The following PCDH15 variants were observed in gnomAD, a reference collection of about 807,000 sequenced individuals.
PCDH15 encodes protocadherin-15.
A neutral mutation model predicts 178.5 loss-of-function variants in PCDH15; 129 were observed. The observed-to-expected ratio is 0.72, with a 90% confidence interval of 0.63 to 0.84. The LOEUF (loss-of-function observed/expected upper bound fraction) is 0.84, where lower values mean the gene tolerates loss of function less well. Ranked by LOEUF, PCDH15 falls within the 40% of genes least tolerant of loss-of-function variation. PCDH15 has a pLI of 0.00. For synonymous variants in PCDH15, 800 were observed against 732.0 expected (o/e 1.09, Z -1.50); for missense variants, 2,230 against 2,099.9 (o/e 1.06, Z -1.21).
chr10:55,229,777 G>C (rs1019240901), intron 1 of PCDH15, among the ~76,000 whole-genome samples: 3 of 152,126 alleles, frequency 2.0e-5, no homozygotes, highest in Non-Finnish European at 4.4e-5. Flanking sequence ...ATTTCCTTTG[G>C]AGTAGTAGAC....
At chr10:55,262,009 G>A (rs1302138691) in intron 1 of PCDH15, among the ~76,000 whole-genome samples, 2 of 120,700 alleles carry the variant, frequency 1.7e-5, no homozygotes, top group Non-Finnish European at 3.4e-5. Context: ...GAAAGAAAGA[G>A]AAGAAGAGAA....
At chr10:55,073,865 C>A (rs957024436) in intron 2 of PCDH15, among the ~76,000 whole-genome samples, 4 of 152,090 alleles carry the variant, frequency 2.6e-5, no homozygotes, top group South Asian at 2.1e-4. Flanking sequence ...TTGCTCCCCC[C>A]CATCTCCCCC....
chr10:55,387,037 T>A (rs1837679498), intron 2 of PCDH15, among the ~76,000 whole-genome samples: 1 of 152,142 alleles, frequency 6.6e-6, no homozygotes, highest in Admixed American at 6.6e-5. Context: ...ATAGATAAAT[T>A]ATAATCGGAA....
At chr10:54,557,274 A>G (rs1301874529) in intron 2 of PCDH15, among the ~76,000 whole-genome samples, 1 of 152,194 alleles carries the variant, frequency 6.6e-6, no homozygotes, top group African/African-American at 2.4e-5. Context: ...GGTAGATTCT[A>G]AAGACCAGTG....
At position 55,222,760 on chromosome 10, in the gene PCDH15, T is replaced by C. The variant is rs866489554; in HGVS notation, c.-155-56109A>G. ...ATATATATATATATATATATATATA[T>C]ATATATATGTAGTTCCTCTCTCTTT... On this transcript the variant is annotated intron_variant, in intron 1 of 5. Transcript: ENST00000458638. 3.3e-3 allele frequency among the ~76,000 whole-genome samples: 388 copies of C among 117,946 alleles called. 5 individuals carry two copies. Among genetic ancestry groups the C allele is most frequent in the Middle Eastern group, 9.8e-3 (2 of 204 alleles). The allele number at this position is 117,946 out of a possible 152,430, so 77.4% of individuals were successfully genotyped here.
rs758389028 is a variant in PCDH15 at position 53,903,345 on chromosome 10, C to A, written c.3399G>T (p.Glu1133Asp). Residue 1133 changes from glutamate to aspartate, a missense_variant, in exon 26 of 38, where the codon GAG becomes GAT. Coordinates refer to ENST00000644397, the MANE Select transcript of PCDH15 (RefSeq NM_001384140.1). ...GGGGATGATTATTTTCATCCTGAAT[C>A]TCAATGTATACTTTAGCTGTATTGC... ...SKSNTAKVYI[E>D]IQDENNHPPV... The A allele has an allele frequency of 2.5e-6, 4 of 1,612,990 alleles. No individual in the cohort carries two copies. In the South Asian group the frequency reaches 3.3e-5, roughly 13 times the overall value.
intron 20 of PCDH15, among the ~76,000 whole-genome samples, chr10:54,008,263 C>A (rs1047876089): frequency 1.3e-5 from 2 of 152,064 alleles, no homozygotes; most frequent in African/African-American, 2.4e-5. Context: ...GACGCCTTGA[C>A]CAAAGGAATG....
At position 54,023,200 on chromosome 10, in the gene PCDH15, A is replaced by C. The variant is rs1030855432; in HGVS notation, c.2221-3T>G. The C allele has an allele frequency of 1.2e-6, 2 of 1,612,488 alleles. No homozygotes were observed. Among genetic ancestry groups the C allele is most frequent in the East Asian group, 4.5e-5 (2 of 44,848 alleles). On this transcript the variant is annotated splice_polypyrimidine_tract_variant and splice_region_variant and intron_variant, in intron 18 of 37. Transcript: ENST00000644397. The stretch of plus-strand genomic sequence containing the variant: ...ATTCCAGCATCAGGGTCTGTTGCCT[A>C]TTAAATAAAACAAAAAAACAAAAAA...
At chr10:54,079,460 G>T (rs533455715) in intron 16 of PCDH15, 36 bp from the exon 17 acceptor site, 2 of 1,565,268 alleles carry the variant, frequency 1.3e-6, no homozygotes, top group South Asian at 1.1e-5. Flanking sequence ...AAGACAAAAA[G>T]AGATATTATG....
In PCDH15 at chr10:54,253,072, A is replaced by T. The variant is rs185800548; in HGVS notation, c.877-16141T>A. On this transcript the variant is annotated intron_variant, in intron 8 of 37. Coordinates refer to ENST00000644397, the MANE Select transcript of PCDH15 (RefSeq NM_001384140.1). ...TAAAGCTGGGAGATAGGAAAATCCAAAAGAAGAGATACATTTTGGGGAAAA... is the reference window on the plus strand; with the variant it reads ...TAAAGCTGGGAGATAGGAAAATCCATAAGAAGAGATACATTTTGGGGAAAA... Among the ~76,000 whole-genome samples, 321 of 152,196 alleles carry T rather than the reference A, an allele frequency of 2.1e-3. 1 individual carries two copies. The highest frequency in any genetic ancestry group is 7.3e-3 in the African/African-American group (302 of 41,554).
chr10:54,054,345 G>A (rs556151454), intron 18 of PCDH15, among the ~76,000 whole-genome samples: 2 of 152,230 alleles, frequency 1.3e-5, no homozygotes, highest in South Asian at 4.1e-4. Flanking sequence ...CAGATAAGGG[G>A]AAGACAGAAT....
intron 3 of PCDH15, among the ~76,000 whole-genome samples, chr10:54,829,780 T>A (rs1010014252): frequency 6.6e-6 from 1 of 152,156 alleles, no homozygotes; most frequent in African/African-American, 2.4e-5. Context: ...CATGTCATTA[T>A]GAATAACCCC....
chr10:55,091,281 A>ATTC (rs1269145876), intron 2 of PCDH15, among the ~76,000 whole-genome samples: 1 of 151,968 alleles, frequency 6.6e-6, no homozygotes, highest in African/African-American at 2.4e-5. Flanking sequence ...TGAATACTGA[A>ATTC]AATTATCTTT....
intron 2 of PCDH15, among the ~76,000 whole-genome samples, chr10:55,606,544 C>G (rs970092117): frequency 2.1e-5 from 3 of 139,768 alleles, no homozygotes; most frequent in African/African-American, 2.7e-5. Flanking sequence ...GGTACCAAAA[C>G]AGAGATTTAG....
chr10:55,294,753 G>T (rs1843091758), intron 1 of PCDH15, among the ~76,000 whole-genome samples: 1 of 152,086 alleles, frequency 6.6e-6, no homozygotes, highest in Admixed American at 6.6e-5. Context: ...CTCAGGAATT[G>T]CTCACTCTCA....
intron 2 of PCDH15, among the ~76,000 whole-genome samples, chr10:55,135,098 T>C (rs1838152835): frequency 1.3e-5 from 2 of 152,206 alleles, no homozygotes; most frequent in African/African-American, 4.8e-5. Flanking sequence ...ACAATCATCA[T>C]ATTAAACAAC....
chr10:54,933,585 GC>G (rs1837835046), intron 2 of PCDH15, among the ~76,000 whole-genome samples: 1 of 152,064 alleles, frequency 6.6e-6, no homozygotes, highest in Non-Finnish European at 1.5e-5. Flanking sequence ...AAATTTATCA[GC>G]ATAAAGCTAA....
At chr10:55,469,305 T>C (rs1200297525) in intron 2 of PCDH15, 1 of 152,144 alleles carries the variant, frequency 6.6e-6, no homozygotes, top group African/African-American at 2.4e-5. Context: ...ATTTATAGCT[T>C]TTTGTGCGTT....
chr10:54,956,186 A>G (rs535743772), intron 2 of PCDH15, among the ~76,000 whole-genome samples: 70 of 151,472 alleles, frequency 4.6e-4, no homozygotes, highest in African/African-American at 1.7e-3. Context: ...ATTCTCTACT[A>G]CAGGTGACTA....
Sources: gnomAD v4.1 joint callset for allele counts (sites outside exome capture counted in the v4.1 genomes callset) on GRCh38, gnomAD v4.1.1 for gene constraint, MANE v1.5 for transcripts, NCBI Gene and HGNC (gene_info 2026-07-23, HGNC 2026-07-21) for gene names.